The following RP1 variants were observed in gnomAD, a reference collection of about 807,000 sequenced individuals.
RP1 encodes the protein oxygen-regulated protein 1.
Under a neutral mutation model 14.8 loss-of-function variants are expected in RP1, and 16 were observed. The ratio of observed to expected loss-of-function variants is 1.08; its 90% CI spans 0.73 to 1.65. The LOEUF (loss-of-function observed/expected upper bound fraction) is 1.65, where lower values mean the gene tolerates loss of function less well. Ranked by LOEUF, RP1 falls within the 40% of genes most tolerant of loss-of-function variation. RP1 has a pLI of 0.00. For missense variants in RP1, 2,631 were observed against 2,535.0 expected, an observed-to-expected ratio of 1.04 and a Z score of -0.81; for synonymous variants, 876 against 883.6, an observed-to-expected ratio of 0.99 and a Z score of 0.15.
intron 3 of RP1, among the ~76,000 whole-genome samples, chr8:54,623,670 T>C (rs1047602210): frequency 6.6e-6 from 1 of 152,202 alleles, no homozygotes; most frequent in Non-Finnish European, 1.5e-5. Context: ...AAAAGATAAC[T>C]GATATCTGGA....
In RP1 at chr8:54,753,443, T is replaced by C. The variant is rs866435448; in HGVS notation, c.2809-1360T>C. Among the ~76,000 whole-genome samples the C allele has an allele frequency of 1.6e-4, 24 of 152,196 alleles. 1 individual carries two copies. The highest frequency in any genetic ancestry group is 4.8e-4 in the African/African-American group (20 of 41,442). ...GCCATGGATCACAAAGTAGGGTTAC[T>C]GAACCAAACCGAGGGCTCACAAAAA... is the stretch of plus-strand genomic sequence containing the variant. On this transcript the variant is annotated intron_variant, in intron 19 of 22. Coordinates refer to the RP1 transcript ENST00000636932.
intron 7 of RP1, among the ~76,000 whole-genome samples, chr8:54,670,468 C>CGT (rs1807129679): frequency 7.0e-6 from 1 of 143,094 alleles, no homozygotes; most frequent in Non-Finnish European, 1.5e-5. Context: ...CGTATACCTA[C>CGT]ATATATAGGT....
chr8:54,855,888 C>T (rs535058407), intron 26 of RP1, among the ~76,000 whole-genome samples: 15 of 151,234 alleles, frequency 9.9e-5, no homozygotes, highest in Non-Finnish European at 1.9e-4. Context: ...GCTTCGCATA[C>T]GGAGTGCATA....
chr8:54,853,945 G>A (rs750233969), intron 26 of RP1, among the ~76,000 whole-genome samples: 9 of 144,756 alleles, frequency 6.2e-5, no homozygotes, highest in Non-Finnish European at 1.2e-4. Flanking sequence ...AGAAAGGAAG[G>A]AAGGAAGGAA....
chr8:54,726,483 C>A, intron 17 of RP1: 1 of 1,521,760 alleles, frequency 6.6e-7, no homozygotes, highest in Non-Finnish European at 8.8e-7. Flanking sequence ...GCAAGTAAGC[C>A]ACAGCTTTTG....
At chr8:54,561,279 A>G (rs571165964) in intron 1 of RP1, among the ~76,000 whole-genome samples, 48 of 152,336 alleles carry the variant, frequency 3.2e-4, no homozygotes, top group African/African-American at 1.1e-3. Flanking sequence ...AAAATATACC[A>G]TGAAATCATT....
Position 54,630,149 on chromosome 8 carries a change from A to G in RP1, c.6267A>G (p.Glu2089=). ...SRTNLNQVVR[E]NINCHYFFEM... ...CAAATCTCAACCAAGTAGTAAGAGA[A>G]AATATCAACTGTCATTACTTCTTTG... The change falls in exon 4 of 4, where the codon GAA becomes GAG. Residue 2089 remains glutamate (E), a synonymous_variant. Coordinates refer to ENST00000220676, the MANE Select transcript of RP1 (RefSeq NM_006269.2). 3 of 1,613,886 alleles carry G rather than the reference A, an allele frequency of 1.9e-6. No individual in the cohort carries two copies. Among genetic ancestry groups the G allele is most frequent in the Non-Finnish European group, 2.5e-6 (3 of 1,179,946 alleles).
At chr8:54,823,485 C>A (rs936207696) in intron 24 of RP1, among the ~76,000 whole-genome samples, 2 of 152,072 alleles carry the variant, frequency 1.3e-5, no homozygotes, top group African/African-American at 2.4e-5. Flanking sequence ...CTTGTGGCAC[C>A]ACACCAGCTA....
At chr8:54,838,334 A>G (rs1040163423) in intron 25 of RP1, among the ~76,000 whole-genome samples, 1 of 152,178 alleles carries the variant, frequency 6.6e-6, no homozygotes, top group African/African-American at 2.4e-5. Flanking sequence ...CATTCCTGGT[A>G]TCTCTAATAA....
intron 25 of RP1, among the ~76,000 whole-genome samples, chr8:54,844,595 T>G (rs1247095986): frequency 6.6e-6 from 1 of 152,144 alleles, no homozygotes; most frequent in African/African-American, 2.4e-5. Flanking sequence ...TGCCTCTGTG[T>G]GTGCGTATGT....
intron 24 of RP1, among the ~76,000 whole-genome samples, chr8:54,794,014 A>T (rs1036968591): frequency 2.0e-5 from 3 of 152,074 alleles, no homozygotes; most frequent in African/African-American, 7.2e-5. Context: ...GCATTTTCAT[A>T]CATCTCTACA....
chr8:54,855,492 T>C (rs1812172566), intron 26 of RP1, among the ~76,000 whole-genome samples: 1 of 152,208 alleles, frequency 6.6e-6, no homozygotes, highest in South Asian at 2.1e-4. Flanking sequence ...GGGAAAAAGA[T>C]AAATTATACT....
At chr8:54,696,269 C>G (rs765659061) in intron 12 of RP1, 51 of 325,692 alleles carry the variant, frequency 1.6e-4, no homozygotes, top group Non-Finnish European at 2.6e-4. Flanking sequence ...TACCATAATC[C>G]TCCTTCATTT....
In RP1 at chr8:54,621,429, A is replaced by T. The variant is rs879763820; in HGVS notation, c.463A>T (p.Ser155Cys). The T allele has an allele frequency of 1.2e-6, 2 of 1,613,328 alleles. No individual in the cohort carries two copies. Among genetic ancestry groups the T allele is most frequent in the African/African-American group, 2.7e-5 (2 of 74,802 alleles). ...TCCCGGCATGCCCCGCCCCCCACGG[A>T]GCCTAGTGGTCTTCAGGAATGGCGA... Reference protein sequence around the residue: ...AAPGMPRPPRSLVVFRNGDPK... With the variant: ...AAPGMPRPPRCLVVFRNGDPK... The change falls in exon 2 of 4, where the codon AGC (serine) becomes TGC (cysteine). Residue 155 changes from serine to cysteine, a missense_variant. By Grantham distance (112) the Ser-to-Cys change is moderately radical. Coordinates refer to ENST00000220676, the MANE Select transcript of RP1 (RefSeq NM_006269.2).
intron 19 of RP1, among the ~76,000 whole-genome samples, chr8:54,748,023 A>G (rs1246988280): frequency 6.6e-6 from 1 of 152,194 alleles, no homozygotes. Context: ...AAGCTTTTTG[A>G]TTCTTCTAAG....
intron 1 of RP1, among the ~76,000 whole-genome samples, chr8:54,581,658 C>A (rs2129296867): frequency 6.6e-6 from 1 of 152,306 alleles, no homozygotes; most frequent in South Asian, 2.1e-4. Flanking sequence ...CACATCCTCT[C>A]CAGCACCTGT....
chr8:54,568,702 A>G (rs1268115544), intron 1 of RP1, among the ~76,000 whole-genome samples: 2 of 152,244 alleles, frequency 1.3e-5, no homozygotes, highest in Admixed American at 1.3e-4. Context: ...GTTCCCTAGT[A>G]TGTGCCAGGC....
At chr8:54,603,167 T>G (rs1805335165) in intron 1 of RP1, among the ~76,000 whole-genome samples, 1 of 152,212 alleles carries the variant, frequency 6.6e-6, no homozygotes, top group East Asian at 1.9e-4. Flanking sequence ...TTTTATGGTT[T>G]TAGGTCTAAC....
At chr8:54,673,819 A>G (rs1413357651) in intron 7 of RP1, 2 of 1,471,090 alleles carry the variant, frequency 1.4e-6, no homozygotes, top group South Asian at 2.4e-5. Flanking sequence ...GTTATAGTCT[A>G]GATCTAATTA....
Sources: allele counts gnomAD v4.1 joint callset (sites outside exome capture counted in the v4.1 genomes callset), GRCh38; gene constraint gnomAD v4.1.1; transcripts MANE v1.5; gene names NCBI Gene and HGNC (gene_info 2026-07-23, HGNC 2026-07-21).